RARB: variants seen among roughly 807,000 people sequenced by gnomAD.
The protein encoded by RARB is retinoic acid receptor beta.
Under a neutral mutation model 51.9 loss-of-function variants are expected in RARB, and 17 were observed. The ratio of observed to expected loss-of-function variants is 0.33; its 90% CI spans 0.22 to 0.49. RARB has a LOEUF of 0.49. RARB is among the 20% of genes least tolerant of loss of function. The probability of loss-of-function intolerance (pLI) is 0.99; values close to 1 mark genes in which losing one functional copy is unlikely to be tolerated. For missense variants in RARB, 369 were observed against 550.8 expected, an observed-to-expected ratio of 0.67 and a Z score of 3.30; for synonymous variants, 215 against 195.4, an observed-to-expected ratio of 1.10 and a Z score of -0.84.
intron 1 of RARB, among the ~76,000 whole-genome samples, chr3:24,841,202 G>A (rs763477540): frequency 3.9e-5 from 6 of 152,226 alleles, no homozygotes; most frequent in African/African-American, 7.2e-5. Flanking sequence ...TTCCATGGAC[G>A]TTTTCCCATT....
intron 5 of RARB, among the ~76,000 whole-genome samples, chr3:25,408,416 A>G (rs1426371928): frequency 1.3e-5 from 2 of 152,086 alleles, no homozygotes; most frequent in African/African-American, 2.4e-5. Context: ...GAGAAGTGCC[A>G]CAGACTTTTG....
chr3:25,525,286 G>C lies in RARB; in HGVS notation c.448+23963G>C, dbSNP rs142593466. ...GCAACACAAGACAGGCAGAATGAAA[G>C]TGTGGTGTCATTTTGAGGGGAGAGG... is the stretch of plus-strand genomic sequence containing the variant. On this transcript the variant is annotated intron_variant, in intron 3 of 7. Transcript: ENST00000330688. Among the ~76,000 whole-genome samples the C allele has an allele frequency of 1.9e-3, 293 of 152,320 alleles. 3 individuals are homozygous for C. The highest frequency in any genetic ancestry group is 6.4e-3 in the African/African-American group (268 of 41,570).
chr3:24,999,997 G>C (rs1449885718), intron 2 of RARB, among the ~76,000 whole-genome samples: 1 of 57,110 alleles, frequency 1.8e-5, no homozygotes, highest in South Asian at 8.3e-4. Context: ...TCACTCCTGA[G>C]ATCTGTCCAG....
chr3:25,461,461 A>T, intron 2 of RARB, 120 bp downstream of exon 2: 1 of 1,104,550 alleles, frequency 9.1e-7, no homozygotes, highest in Non-Finnish European at 1.3e-6. Context: ...AGTGTGGTGA[A>T]TTCAGTTATA....
intron 3 of RARB, among the ~76,000 whole-genome samples, chr3:25,105,440 AG>A (rs63252060): frequency 0.19 from 18,601 of 99,088 alleles, 1,480 homozygotes; most frequent in Non-Finnish European, 0.26. Flanking sequence ...AAAAAAAAAA[AG>A]AAGATTTGTG....
In RARB at chr3:24,861,704, G is replaced by T. The variant is rs550791078; in HGVS notation, c.-380+2952G>T. 1.2e-3 allele frequency among the ~76,000 whole-genome samples: 182 copies of T among 152,116 alleles called. 2 individuals carry two copies. Among genetic ancestry groups the T allele is most frequent in the African/African-American group, 2.3e-3 (94 of 41,514 alleles). ...TTTCTAGTGTCTGGCTTAATAGGTA[G>T]TTGGGTTCACGTATCTGCTTCTGCA... is the stretch of plus-strand genomic sequence containing the variant. On this transcript the variant is annotated intron_variant, in intron 2 of 11. Coordinates refer to the RARB transcript ENST00000383772.
At chr3:25,593,071 G>A (rs1701674143) in intron 5 of RARB, among the ~76,000 whole-genome samples, 2 of 152,118 alleles carry the variant, frequency 1.3e-5, no homozygotes, top group Admixed American at 1.3e-4. Context: ...AAGATTGAAT[G>A]TAGGGTATGT....
intron 5 of RARB, among the ~76,000 whole-genome samples, chr3:25,278,324 A>G (rs559493045): frequency 6.6e-6 from 1 of 152,198 alleles, no homozygotes; most frequent in Non-Finnish European, 1.5e-5. Flanking sequence ...TTTAAATATG[A>G]TGCAAATATG....
At chr3:25,067,229 G>A (rs1698680996) in intron 3 of RARB, among the ~76,000 whole-genome samples, 1 of 152,176 alleles carries the variant, frequency 6.6e-6, no homozygotes, top group Non-Finnish European at 1.5e-5. Context: ...GAGGTTGGAT[G>A]ATACTGCCCG....
intron 5 of RARB, among the ~76,000 whole-genome samples, chr3:25,383,775 C>T (rs1406512189): frequency 6.6e-6 from 1 of 151,834 alleles, no homozygotes; most frequent in Non-Finnish European, 1.5e-5. Context: ...TTAAAAAATA[C>T]AAAACTTAGC....
chr3:25,184,490 C>A (rs528699734), intron 5 of RARB, among the ~76,000 whole-genome samples: 1 of 152,012 alleles, frequency 6.6e-6, no homozygotes, highest in South Asian at 2.1e-4. Flanking sequence ...TCTTGTTGAA[C>A]CACAATTGAT....
chr3:25,098,673 A>T (rs1296593797), intron 3 of RARB, among the ~76,000 whole-genome samples: 4 of 152,140 alleles, frequency 2.6e-5, no homozygotes. Context: ...CTGATTTTGC[A>T]CTGCAGTGGA....
intron 5 of RARB, among the ~76,000 whole-genome samples, chr3:25,328,036 T>C (rs185033036): frequency 2.2e-3 from 333 of 152,342 alleles, no homozygotes; most frequent in African/African-American, 7.7e-3. Flanking sequence ...TCAAGAATTA[T>C]AAATATTTCT....
chr3:24,950,978 AC>A (rs1393495821), intron 2 of RARB, among the ~76,000 whole-genome samples: 1 of 152,162 alleles, frequency 6.6e-6, no homozygotes, highest in Non-Finnish European at 1.5e-5. Context: ...TCTGTGTGTC[AC>A]CAAACCCAGT....
chr3:25,201,863 G>C (rs1444566753), intron 5 of RARB, among the ~76,000 whole-genome samples: 1 of 151,500 alleles, frequency 6.6e-6, no homozygotes, highest in Non-Finnish European at 1.5e-5. Flanking sequence ...TTGCATCGAT[G>C]TTCATCAGGG....
chr3:25,499,390 A>C (rs2125602705), intron 2 of RARB, among the ~76,000 whole-genome samples: 1 of 152,318 alleles, frequency 6.6e-6, no homozygotes, highest in Admixed American at 6.5e-5. Context: ...ACTCATAGCA[A>C]TGTGGAAGTT....
chr3:25,081,586 CATATATATATATAT>C (rs1161956011), intron 3 of RARB, among the ~76,000 whole-genome samples: 496 of 19,630 alleles, frequency 0.025, 35 homozygotes, highest in Middle Eastern at 0.11. Context: ...GCTTCATATA[CATATATATATATAT>C]ATATATATAT....
intron 3 of RARB, among the ~76,000 whole-genome samples, chr3:25,073,584 C>T (rs1434837094): frequency 6.6e-6 from 1 of 152,204 alleles, no homozygotes; most frequent in Non-Finnish European, 1.5e-5. Context: ...AAGCATTTCT[C>T]AAACTCATCT....
rs770911284 is a variant in RARB at position 25,258,996 on chromosome 3, A to G, written c.178+84421A>G. 5.6e-4 allele frequency: 550 copies of G among 982,920 alleles called. 2 individuals are homozygous for G. Among genetic ancestry groups the G allele is most frequent in the Non-Finnish European group, 6.2e-4 (513 of 827,692 alleles). 60.9% of individuals were successfully genotyped at this position (982,920 alleles called of 1,614,324 possible). ...TCAGCCTGAGTTTTGCTGGGGACAA[A>G]CCATAGTATATGGTGTCTGAGACTG... On this transcript the variant is annotated intron_variant, in intron 5 of 11. Transcript: ENST00000383772.
Sources: gnomAD v4.1 joint callset for allele counts (sites outside exome capture counted in the v4.1 genomes callset) on GRCh38, gnomAD v4.1.1 for gene constraint, MANE v1.5 for transcripts, NCBI Gene and HGNC (gene_info 2026-07-23, HGNC 2026-07-21) for gene names.